Variants in TMEM178B observed in about 807,000 individuals in gnomAD.
TMEM178B encodes the protein transmembrane protein 178B.
In TMEM178B, 5 loss-of-function variants were observed where a neutral mutation model predicts 31.0. That is an observed-to-expected ratio of 0.16 (90% CI 0.08 to 0.34). TMEM178B has a LOEUF of 0.34. TMEM178B is among the 10% of genes least tolerant of loss of function. The probability of loss-of-function intolerance (pLI) is 1.00; values close to 1 mark genes in which losing one functional copy is unlikely to be tolerated. For missense variants in TMEM178B, 275 were observed against 400.3 expected, an observed-to-expected ratio of 0.69 and a Z score of 2.67; for synonymous variants, 164 against 164.0, an observed-to-expected ratio of 1.00 and a Z score of 0.00.
In TMEM178B at chr7:141,406,433, C is replaced by T. The variant is rs569985583; in HGVS notation, c.497-31175C>T. On this transcript the variant is annotated intron_variant, in intron 2 of 3. Coordinates refer to ENST00000565468, the MANE Select transcript of TMEM178B (RefSeq NM_001195278.2). Reference sequence around the variant, plus strand: ...GAGTTGGATGTGAAATAAAAACTCCCTTCACTGCCCATAAATCCTAAGGAC... The same window carrying T: ...GAGTTGGATGTGAAATAAAAACTCCTTTCACTGCCCATAAATCCTAAGGAC... Among the ~76,000 whole-genome samples the T allele has an allele frequency of 3.3e-5, 5 of 152,322 alleles. No homozygotes were observed. The East Asian group carries it at 9.6e-4, about 29-fold the overall frequency.
At chr7:141,299,158 T>C (rs943914875) in intron 2 of TMEM178B, among the ~76,000 whole-genome samples, 1 of 152,120 alleles carries the variant, frequency 6.6e-6, no homozygotes, top group Admixed American at 6.5e-5. Flanking sequence ...GCCTCTTTCT[T>C]CTTAGAAACC....
chr7:141,216,947 C>T (rs746055942), intron 2 of TMEM178B, among the ~76,000 whole-genome samples: 1 of 152,072 alleles, frequency 6.6e-6, no homozygotes, highest in Non-Finnish European at 1.5e-5. Context: ...CAGGACACAG[C>T]GGGACAGGCA....
chr7:141,226,387 A>G (rs987451574), intron 2 of TMEM178B, among the ~76,000 whole-genome samples: 1 of 152,036 alleles, frequency 6.6e-6, no homozygotes, highest in African/African-American at 2.4e-5. Flanking sequence ...AGTCCCACAC[A>G]CCACCCTCTC....
chr7:141,221,094 G>A (rs957639249), intron 2 of TMEM178B, among the ~76,000 whole-genome samples: 19 of 151,760 alleles, frequency 1.3e-4, no homozygotes, highest in Non-Finnish European at 2.6e-4. Flanking sequence ...CATTGCAGGG[G>A]AAAAAAAACA....
chr7:141,099,680 G>A (rs7805034), intron 1 of TMEM178B, among the ~76,000 whole-genome samples: 37,160 of 152,002 alleles, frequency 0.24, 6,192 homozygotes, highest in African/African-American at 0.48. Context: ...GCATTCATGC[G>A]TTATGGTCCT....
chr7:141,074,449 A>C lies in TMEM178B; in HGVS notation c.139A>C (p.Asn47His), dbSNP rs1794562795. Residue 47 changes from asparagine to histidine, a missense_variant, in exon 1 of 4, where the codon AAC (asparagine) becomes CAC (histidine). By Grantham distance (68) the Asn-to-His change is moderately conservative (BLOSUM62 1). Coordinates refer to ENST00000565468, the MANE Select transcript of TMEM178B (RefSeq NM_001195278.2). The surrounding 1 kb of genome is among the most constrained non-coding windows in gnomAD (Gnocchi z 5.1). ...GCACAGGGACAGGTGCAAGGCCTTC[A>C]ACACCCGCCGGGTCGACCCCGGCTT... ...RKHRDRCKAF[N>H]TRRVDPGFIY... The C allele has an allele frequency of 6.5e-7, 1 of 1,536,090 alleles. No homozygotes were observed. The highest frequency in any genetic ancestry group is 8.7e-7 in the Non-Finnish European group (1 of 1,146,852).
chr7:141,103,917 T>G (rs1056302036), intron 1 of TMEM178B, among the ~76,000 whole-genome samples: 3 of 152,190 alleles, frequency 2.0e-5, no homozygotes, highest in African/African-American at 7.2e-5. Context: ...TCAGGATCCT[T>G]TCAGGAACCA....
At chr7:141,230,578 C>G (rs991995672) in intron 2 of TMEM178B, among the ~76,000 whole-genome samples, 2 of 152,152 alleles carry the variant, frequency 1.3e-5, no homozygotes, top group African/African-American at 4.8e-5. Context: ...AGACTCCTTA[C>G]TTCTCTTGTT....
intron 2 of TMEM178B, among the ~76,000 whole-genome samples, chr7:141,248,704 C>T (rs1186748914): frequency 6.6e-6 from 1 of 152,112 alleles, no homozygotes; most frequent in Non-Finnish European, 1.5e-5. Flanking sequence ...CTGTATAGAA[C>T]ACTTACCATG....
intron 2 of TMEM178B, among the ~76,000 whole-genome samples, chr7:141,393,500 T>G (rs1332037568): frequency 6.6e-6 from 1 of 152,140 alleles, no homozygotes; most frequent in Non-Finnish European, 1.5e-5. Flanking sequence ...GCATGGCATG[T>G]GGCTAAGACG....
intron 2 of TMEM178B, among the ~76,000 whole-genome samples, chr7:141,240,115 A>G (rs60446385): frequency 0.25 from 38,557 of 152,108 alleles, 6,053 homozygotes; most frequent in Non-Finnish European, 0.36. Flanking sequence ...ACTATGGTGC[A>G]TCTCAATTCA....
intron 2 of TMEM178B, among the ~76,000 whole-genome samples, chr7:141,387,761 T>C (rs1474223996): frequency 6.6e-6 from 1 of 152,202 alleles, no homozygotes; most frequent in Non-Finnish European, 1.5e-5. Flanking sequence ...CTGACACTTG[T>C]CTTCCATCTC....
At position 141,302,207 on chromosome 7, in the gene TMEM178B, C is replaced by T. The variant is rs185055220; in HGVS notation, c.496+89503C>T. 3.7e-4 allele frequency among the ~76,000 whole-genome samples: 56 copies of T among 152,182 alleles called. 1 individual carries two copies. The highest frequency in any genetic ancestry group is 6.5e-4 in the Non-Finnish European group (44 of 68,008). Reference sequence around the variant, plus strand: ...TTTAAAATGCAAAGATTCAGATGAACGGATAAAACAATGTGGTGTATCCAT... The same window carrying T: ...TTTAAAATGCAAAGATTCAGATGAATGGATAAAACAATGTGGTGTATCCAT... On this transcript the variant is annotated intron_variant, in intron 2 of 3. Transcript: ENST00000565468.
At chr7:141,219,848 G>C (rs1797226257) in intron 2 of TMEM178B, among the ~76,000 whole-genome samples, 1 of 152,122 alleles carries the variant, frequency 6.6e-6, no homozygotes, top group Non-Finnish European at 1.5e-5. Context: ...CCTCTTATTT[G>C]TCCCATTCCC....
chr7:141,216,344 T>C (rs1797145842), intron 2 of TMEM178B, among the ~76,000 whole-genome samples: 5 of 151,924 alleles, frequency 3.3e-5, no homozygotes, highest in Admixed American at 3.3e-4. Flanking sequence ...GGTAGAAGAT[T>C]CTGGAGGCCA....
At chr7:141,366,548 G>C (rs913765477) in intron 2 of TMEM178B, among the ~76,000 whole-genome samples, 1 of 152,148 alleles carries the variant, frequency 6.6e-6, no homozygotes, top group African/African-American at 2.4e-5. Flanking sequence ...TTGGGGAGGG[G>C]CTTCTTTGCA....
chr7:141,176,868 G>A (rs1183984175), intron 1 of TMEM178B, among the ~76,000 whole-genome samples: 4 of 151,282 alleles, frequency 2.6e-5, no homozygotes, highest in Admixed American at 2.6e-4. Flanking sequence ...TCTGGCTAGT[G>A]GCCTATTTTG....
intron 3 of TMEM178B, among the ~76,000 whole-genome samples, chr7:141,459,869 C>T (rs1487850149): frequency 2.0e-5 from 3 of 150,352 alleles, no homozygotes; most frequent in African/African-American, 7.4e-5. Context: ...TCTAAACTTA[C>T]ACCCAAAAGA....
Position 141,265,466 on chromosome 7 carries a change from G to A in TMEM178B, c.496+52762G>A, listed in dbSNP as rs532543661. ...GTTTATATTTGCTCCTGGTAGAAGG[G>A]ATCTTTCTGGGGTGGGACTCACAGA... On this transcript the variant is annotated intron_variant, in intron 2 of 3. Transcript: ENST00000565468. Among the ~76,000 whole-genome samples the A allele has an allele frequency of 2.0e-5, 3 of 152,286 alleles. No homozygotes were observed. In the East Asian group the frequency reaches 5.8e-4, roughly 29 times the overall value.
Sources: gnomAD v4.1 joint callset for allele counts (sites outside exome capture counted in the v4.1 genomes callset) on GRCh38, gnomAD v4.1.1 for gene constraint, Gnocchi (gnomAD v3.1) non-coding constraint, MANE v1.5 for transcripts, NCBI Gene and HGNC (gene_info 2026-07-23, HGNC 2026-07-21) for gene names.